The following PPIP5K1 variants were observed in gnomAD, a reference collection of about 807,000 sequenced individuals.
The protein encoded by PPIP5K1 is diphosphoinositol pentakisphosphate kinase 1.
In PPIP5K1, 6 loss-of-function variants were observed where a neutral mutation model predicts 27.7. That is an observed-to-expected ratio of 0.22 (90% CI 0.12 to 0.43). The LOEUF (loss-of-function observed/expected upper bound fraction) is 0.43. Ranked by LOEUF, PPIP5K1 falls within the 20% of genes least tolerant of loss-of-function variation. The pLI is 1.00. For synonymous variants in PPIP5K1, 145 were observed against 242.6 expected (o/e 0.60, Z 3.74); for missense variants, 394 against 635.4 (o/e 0.62, Z 4.08).
intron 30 of PPIP5K1, among the ~76,000 whole-genome samples, chr15:43,540,676 G>A (rs1366849154): frequency 2.0e-5 from 3 of 150,340 alleles, no homozygotes; most frequent in South Asian, 2.1e-4. Flanking sequence ...CAGCCTGGGC[G>A]ACAGAGCAAG....
In PPIP5K1 at chr15:43,552,393, C is replaced by T. The variant is rs573663229; in HGVS notation, c.3556+6402G>A. On this transcript the variant is annotated intron_variant, in intron 30 of 31. Transcript: ENST00000420765. ...CTAATTTCCCTTGTGAGTTCTTCTTCGACTCATTTGTCATTTAAGAGTATG... is the reference window on the plus strand; with the variant it reads ...CTAATTTCCCTTGTGAGTTCTTCTTTGACTCATTTGTCATTTAAGAGTATG... 8.6e-5 allele frequency among the ~76,000 whole-genome samples: 13 copies of T among 151,878 alleles called. No individual in the cohort carries two copies. The South Asian group carries it at 2.3e-3, about 27-fold the overall frequency.
At chr15:43,558,456 G>A (rs2083308938) in intron 30 of PPIP5K1, among the ~76,000 whole-genome samples, 1 of 152,102 alleles carries the variant, frequency 6.6e-6, no homozygotes. Context: ...TCCATCACTT[G>A]ACCTCGTGAT....
At chr15:43,538,525 T>G (rs993288326) in intron 31 of PPIP5K1, among the ~76,000 whole-genome samples, 1 of 152,234 alleles carries the variant, frequency 6.6e-6, no homozygotes, top group African/African-American at 2.4e-5. Flanking sequence ...GCTCCCAGCC[T>G]TTTTTGTTTG....
chr15:43,551,134 G>C (rs1567045606), intron 30 of PPIP5K1, among the ~76,000 whole-genome samples: 1 of 152,132 alleles, frequency 6.6e-6, no homozygotes, highest in Non-Finnish European at 1.5e-5. Flanking sequence ...AAGAGCGTGA[G>C]TAGACTGAGT....
Position 43,552,528 on chromosome 15 carries a change from TAAA to T in PPIP5K1, c.3556+6264_3556+6266del, listed in dbSNP as rs535937209. 2.5e-3 allele frequency among the ~76,000 whole-genome samples: 172 copies of T among 69,422 alleles called. 1 individual carries two copies. Among genetic ancestry groups the T allele is most frequent in the African/African-American group, 7.2e-3 (167 of 23,260 alleles). The allele number at this position is 69,422 out of a possible 152,430, so 45.5% of individuals were successfully genotyped here. A position where few individuals can be genotyped will look rare whatever the true frequency, so the allele number is the denominator to read the frequency against. On this transcript the variant is annotated intron_variant, in intron 30 of 31. Transcript: ENST00000420765. ...GCAACATGGTGAAACTCTGTCTCTA[TAAA>T]AAAAAAAAAAAAAAGAAAAAAAAAA...
At chr15:43,549,619 C>T (rs963414424) in intron 30 of PPIP5K1, among the ~76,000 whole-genome samples, 6 of 151,844 alleles carry the variant, frequency 4.0e-5, no homozygotes, top group African/African-American at 1.5e-4. Context: ...TGCCAGTGCA[C>T]TCCAGCCTGG....
At position 43,546,072 on chromosome 15, in the gene PPIP5K1, C is replaced by T. The variant is rs111452057; in HGVS notation, c.3557-6489G>A. On this transcript the variant is annotated intron_variant, in intron 30 of 31. Coordinates refer to ENST00000420765, the MANE Select transcript of PPIP5K1 (RefSeq NM_001394395.1). Reference sequence around the variant, plus strand: ...CCTACTCCCAAACCCTGGAAACCACCAATCTGCTTTCCGTCTCTATGGATT... The same window carrying T: ...CCTACTCCCAAACCCTGGAAACCACTAATCTGCTTTCCGTCTCTATGGATT... 6.4e-3 allele frequency among the ~76,000 whole-genome samples: 973 copies of T among 151,166 alleles called. 9 individuals carry two copies. The highest frequency in any genetic ancestry group is 0.022 in the African/African-American group (924 of 41,242).
intron 30 of PPIP5K1, among the ~76,000 whole-genome samples, chr15:43,558,050 G>A (rs1417064648): frequency 2.1e-5 from 3 of 145,950 alleles, no homozygotes; most frequent in African/African-American, 8.0e-5. Context: ...TGTTTAGTTG[G>A]CCTATGCAAT....
At chr15:43,579,596 TAC>T (rs1188227379) in intron 10 of PPIP5K1, among the ~76,000 whole-genome samples, 1 of 72,232 alleles carries the variant, frequency 1.4e-5, no homozygotes, top group Non-Finnish European at 2.2e-5. Flanking sequence ...CATATATGTG[TAC>T]GTGTGTGTGT....
chr15:43,552,909 G>A (rs1472872733), intron 30 of PPIP5K1, among the ~76,000 whole-genome samples: 2 of 152,066 alleles, frequency 1.3e-5, no homozygotes, highest in Non-Finnish European at 2.9e-5. Context: ...TGGGGATGGT[G>A]GCACGTGCCT....
intron 30 of PPIP5K1, among the ~76,000 whole-genome samples, chr15:43,545,982 T>C (rs1226662366): frequency 6.6e-6 from 1 of 152,018 alleles, no homozygotes; most frequent in African/African-American, 2.4e-5. Flanking sequence ...ATTCCTTTAC[T>C]TTCTTAATAA....
At chr15:43,542,132 G>A (rs550177320) in intron 30 of PPIP5K1, among the ~76,000 whole-genome samples, 3 of 152,184 alleles carry the variant, frequency 2.0e-5, no homozygotes, top group South Asian at 2.1e-4. Context: ...CTGTAAAGAA[G>A]AGCTTTCCTT....
chr15:43,560,662 GA>G (rs2083693062), intron 28 of PPIP5K1, 67 bp from the exon 29 acceptor site: 1 of 382,388 alleles, frequency 2.6e-6, no homozygotes, highest in Non-Finnish European at 5.2e-6. Context: ...GAGAGACAAT[GA>G]GGGGGGCACT....
At chr15:43,547,092 A>G (rs1450706708) in intron 30 of PPIP5K1, among the ~76,000 whole-genome samples, 1 of 152,194 alleles carries the variant, frequency 6.6e-6, no homozygotes, top group Admixed American at 6.6e-5. Flanking sequence ...TTTAATGGCT[A>G]TCCGGTGGGT....
chr15:43,556,067 C>T (rs2082895317), intron 30 of PPIP5K1, among the ~76,000 whole-genome samples: 1 of 152,096 alleles, frequency 6.6e-6, no homozygotes, highest in East Asian at 1.9e-4. Context: ...TGCCTGTAAT[C>T]CCAGCACTTT....
In PPIP5K1 at chr15:43,534,229, G is replaced by A. The variant is rs2079553540; in HGVS notation, c.*445C>T. The A allele has an allele frequency of 6.4e-6, 1 of 156,034 alleles. No homozygotes were observed. The highest frequency in any genetic ancestry group is 2.4e-5 in the African/African-American group (1 of 41,548). 9.7% of individuals were successfully genotyped at this position (156,034 alleles called of 1,614,324 possible). ...GTCGCCAGATGGTGTCTTCAGCAGT[G>A]AAGCGGCATTTCCTTTAACAATCTG... On this transcript the variant is annotated 3_prime_UTR_variant, in exon 32 of 32. Coordinates refer to ENST00000420765, the MANE Select transcript of PPIP5K1 (RefSeq NM_001394395.1).
At chr15:43,547,527 T>G (rs984137310) in intron 30 of PPIP5K1, among the ~76,000 whole-genome samples, 1 of 152,236 alleles carries the variant, frequency 6.6e-6, no homozygotes, top group African/African-American at 2.4e-5. Context: ...GAGTTAATAT[T>G]TTCATATGAT....
chr15:43,547,779 T>C lies in PPIP5K1; in HGVS notation c.3557-8196A>G, dbSNP rs144610996. Among the ~76,000 whole-genome samples the C allele has an allele frequency of 3.5e-4, 54 of 152,368 alleles. No homozygotes were observed. The East Asian group carries it at 9.4e-3, about 27-fold the overall frequency. On this transcript the variant is annotated intron_variant, in intron 30 of 31. Transcript: ENST00000420765. ...TGCAATACATTTGGAAATTAGGAAG[T>C]TTGAGTCCTCCAGTTTTGTTTTGCT...
At chr15:43,548,245 C>A (rs1383935294) in intron 30 of PPIP5K1, among the ~76,000 whole-genome samples, 1 of 151,674 alleles carries the variant, frequency 6.6e-6, no homozygotes, top group African/African-American at 2.4e-5. Context: ...ACTACAGGCA[C>A]CCGCCACTGT....
Sources: allele counts gnomAD v4.1 joint callset (sites outside exome capture counted in the v4.1 genomes callset), GRCh38; gene constraint gnomAD v4.1.1; transcripts MANE v1.5; gene names NCBI Gene and HGNC (gene_info 2026-07-23, HGNC 2026-07-21).